Variants in CTNNA3 observed in about 807,000 individuals in gnomAD.
CTNNA3 encodes the protein catenin alpha 3.
In CTNNA3, 76 loss-of-function variants were observed where a neutral mutation model predicts 95.7. The ratio of observed to expected loss-of-function variants is 0.79; its 90% CI spans 0.66 to 0.96. The LOEUF (loss-of-function observed/expected upper bound fraction) is 0.96. Among genes scored for constraint, CTNNA3 ranks in the 40% least tolerant of loss-of-function variants. The pLI is 0.00. For missense variants in CTNNA3, 1,191 were observed against 1,089.8 expected (o/e 1.09, Z -1.31); for synonymous variants, 431 against 374.4 (o/e 1.15, Z -1.74).
intron 11 of CTNNA3, among the ~76,000 whole-genome samples, chr10:66,383,982 C>T (rs540569561): frequency 6.6e-6 from 1 of 152,152 alleles, no homozygotes; most frequent in East Asian, 1.9e-4. Flanking sequence ...GTACCAGCCA[C>T]TGCAAAAACA....
intron 9 of CTNNA3, among the ~76,000 whole-genome samples, chr10:66,648,145 C>T (rs1037610931): frequency 1.3e-5 from 2 of 152,146 alleles, no homozygotes; most frequent in African/African-American, 4.8e-5. Flanking sequence ...CAGCTCTCAA[C>T]CAGAGGTTTT....
chr10:66,602,325 A>G (rs1843957324), intron 10 of CTNNA3, among the ~76,000 whole-genome samples: 1 of 152,008 alleles, frequency 6.6e-6, no homozygotes, highest in Non-Finnish European at 1.5e-5. Flanking sequence ...AATATTTTTC[A>G]GCACTAACAT....
rs1845359980 is a variant in CTNNA3, at chr10:67,411,324, T to C, written c.579+110518A>G. ...TGTTGTATGCCATAAATATATACAA[T>C]TTTTGTCAAGTAAAAATTTTTAAAG... On this transcript the variant is annotated intron_variant, in intron 5 of 17. Coordinates refer to ENST00000433211, the MANE Select transcript of CTNNA3 (RefSeq NM_013266.4). 2.0e-5 allele frequency among the ~76,000 whole-genome samples: 3 copies of C among 152,162 alleles called. No homozygotes were observed. The South Asian group carries it at 6.2e-4, about 32-fold the overall frequency.
chr10:67,046,148 C>G (rs1173759204), intron 7 of CTNNA3, among the ~76,000 whole-genome samples: 1 of 152,152 alleles, frequency 6.6e-6, no homozygotes, highest in Non-Finnish European at 1.5e-5. Context: ...CACATAACTA[C>G]CTCTATTATC....
chr10:66,444,438 C>A (rs2093401833), intron 11 of CTNNA3, among the ~76,000 whole-genome samples: 1 of 152,132 alleles, frequency 6.6e-6, no homozygotes, highest in Admixed American at 6.5e-5. Flanking sequence ...GGTTGGGTTA[C>A]CCACAAAGGG....
intron 11 of CTNNA3, among the ~76,000 whole-genome samples, chr10:66,489,420 G>C (rs1839843213): frequency 1.3e-5 from 2 of 152,072 alleles, no homozygotes; most frequent in South Asian, 4.2e-4. Flanking sequence ...TAGATATCAT[G>C]GAAGAAGAAA....
chr10:66,178,440 T>TATATATATATATATATATATATATAC (rs1231414006), intron 13 of CTNNA3, among the ~76,000 whole-genome samples: 1 of 105,766 alleles, frequency 9.5e-6, no homozygotes, highest in Non-Finnish European at 1.9e-5. Context: ...TATATATATA[T>TATATATATATATATATATATATATAC]ATACACACAC....
rs188937121 is a variant in CTNNA3, at chr10:65,919,212, T to G, written c.*1118A>C. 1 of 152,186 alleles carries G rather than the reference T, an allele frequency of 6.6e-6. No individual in the cohort carries two copies. The highest frequency in any genetic ancestry group is 1.9e-4 in the East Asian group (1 of 5,168). The allele number at this position is 152,186 out of a possible 1,614,324, so 9.4% of individuals were successfully genotyped here. A position where few individuals can be genotyped will look rare whatever the true frequency, so the allele number is the denominator to read the frequency against. On this transcript the variant is annotated 3_prime_UTR_variant, in exon 18 of 18. Coordinates refer to ENST00000433211, the MANE Select transcript of CTNNA3 (RefSeq NM_013266.4). ...GAGGTACACTAGACTCTAAGACTAT[T>G]ATGAAGTCCATTATGAACTCAACTA...
intron 5 of CTNNA3, 55 bp from the exon 6 acceptor site, chr10:67,219,925 T>C: frequency 7.2e-7 from 1 of 1,396,502 alleles, no homozygotes; most frequent in East Asian, 2.4e-5. Context: ...GGAGAAAGAC[T>C]TAAATTAAAA....
At chr10:67,251,524 A>AT (rs1866108522) in intron 5 of CTNNA3, among the ~76,000 whole-genome samples, 1 of 152,180 alleles carries the variant, frequency 6.6e-6, no homozygotes, top group Non-Finnish European at 1.5e-5. Flanking sequence ...ACAAAGACAT[A>AT]CCCATACATA....
At chr10:66,233,558 A>G (rs1445439334) in intron 13 of CTNNA3, among the ~76,000 whole-genome samples, 1 of 152,194 alleles carries the variant, frequency 6.6e-6, no homozygotes, top group East Asian at 1.9e-4. Flanking sequence ...ATAAACACAT[A>G]AAATGGTTCT....
chr10:66,270,379 G>T (rs1445165987), intron 13 of CTNNA3, among the ~76,000 whole-genome samples: 1 of 151,858 alleles, frequency 6.6e-6, no homozygotes, highest in Non-Finnish European at 1.5e-5. Flanking sequence ...TAATTTTTCT[G>T]TTTTTTACAG....
At chr10:66,913,238 CAAAAAAAAAAAA>C (rs1161880781) in intron 7 of CTNNA3, among the ~76,000 whole-genome samples, 8 of 33,532 alleles carry the variant, frequency 2.4e-4, no homozygotes, top group East Asian at 7.3e-4. Flanking sequence ...GACTCCGTCT[CAAAAAAAAAAAA>C]AAAAAAAAAA....
rs554525704 is a variant in CTNNA3, at chr10:66,512,186, T to G, written c.1531+8431A>C. 3.0e-4 allele frequency among the ~76,000 whole-genome samples: 45 copies of G among 152,188 alleles called. 1 individual carries two copies. The East Asian group carries it at 8.3e-3, about 28-fold the overall frequency. On this transcript the variant is annotated intron_variant, in intron 11 of 17. Coordinates refer to ENST00000433211, the MANE Select transcript of CTNNA3 (RefSeq NM_013266.4). ...AAGTCTATTTTGTCTGATATAAGTTTGCTACTTTTGCACACTTTTTGTTTG... is the reference window on the plus strand; with the variant it reads ...AAGTCTATTTTGTCTGATATAAGTTGGCTACTTTTGCACACTTTTTGTTTG...
chr10:67,677,066 G>C (rs1396846556), intron 1 of CTNNA3, among the ~76,000 whole-genome samples: 1 of 152,038 alleles, frequency 6.6e-6, no homozygotes, highest in Non-Finnish European at 1.5e-5. Flanking sequence ...CTGTTTGAAG[G>C]CTCCCAGATT....
intron 13 of CTNNA3, among the ~76,000 whole-genome samples, chr10:66,201,140 A>G (rs1283445359): frequency 6.6e-6 from 1 of 152,172 alleles, no homozygotes; most frequent in African/African-American, 2.4e-5. Context: ...TACTTTATCC[A>G]CATAAATATC....
At chr10:67,270,450 T>C (rs1041685721) in intron 5 of CTNNA3, among the ~76,000 whole-genome samples, 3 of 152,170 alleles carry the variant, frequency 2.0e-5, no homozygotes, top group Non-Finnish European at 4.4e-5. Context: ...GTTAACCAGA[T>C]GACTTGCAGA....
At chr10:67,228,240 G>GT (rs1467857591) in intron 5 of CTNNA3, among the ~76,000 whole-genome samples, 1 of 152,108 alleles carries the variant, frequency 6.6e-6, no homozygotes, top group African/African-American at 2.4e-5. Flanking sequence ...CAAAAAGTTA[G>GT]TTTTTTTGAA....
chr10:66,961,635 G>T (rs562113813), intron 7 of CTNNA3, among the ~76,000 whole-genome samples: 2 of 152,088 alleles, frequency 1.3e-5, no homozygotes, highest in Admixed American at 6.5e-5. Context: ...GACAAATCAA[G>T]ATGACTCCAG....
Sources: allele counts gnomAD v4.1 joint callset (sites outside exome capture counted in the v4.1 genomes callset), GRCh38; gene constraint gnomAD v4.1.1; transcripts MANE v1.5; gene names NCBI Gene and HGNC (gene_info 2026-07-23, HGNC 2026-07-21).